Variants in CEP63 observed in about 807,000 individuals in gnomAD.
The protein encoded by CEP63 is centrosomal protein of 63 kDa.
CEP63 carries 84 observed loss-of-function variants against 89.1 expected under a neutral mutation model. The ratio of observed to expected loss-of-function variants is 0.94; its 90% CI spans 0.79 to 1.13. CEP63 has a LOEUF of 1.13. Among genes scored for constraint, CEP63 ranks in the 50% most tolerant of loss-of-function variants. CEP63 has a pLI of 0.00. For synonymous variants in CEP63, 267 were observed against 272.5 expected (o/e 0.98, Z 0.20); for missense variants, 838 against 813.3 (o/e 1.03, Z -0.37).
the CEP63 span, among the ~76,000 whole-genome samples, chr3:134,644,651 G>A: frequency 2.6e-5 from 4 of 152,310 alleles, no homozygotes; most frequent in South Asian, 4.1e-4. Context: ...TATGCCTCTG[G>A]GGCATTGGCC....
At chr3:134,601,452 G>A in the CEP63 span, among the ~76,000 whole-genome samples, 2 of 152,238 alleles carry the variant, frequency 1.3e-5, no homozygotes, top group East Asian at 3.8e-4. Flanking sequence ...GGGGTCCAGT[G>A]AGTGACATGC....
At chr3:134,699,276 C>T in the CEP63 span, among the ~76,000 whole-genome samples, 2 of 152,126 alleles carry the variant, frequency 1.3e-5, no homozygotes, top group South Asian at 4.1e-4. Context: ...GGGTCAAACC[C>T]GGAGTCACCA....
the CEP63 span, among the ~76,000 whole-genome samples, chr3:134,750,027 A>T: frequency 6.6e-6 from 1 of 152,204 alleles, no homozygotes; most frequent in African/African-American, 2.4e-5. Flanking sequence ...GGGCGCTAGT[A>T]AGCAAAGGCT....
At chr3:134,764,468 C>T in the CEP63 span, among the ~76,000 whole-genome samples, 1 of 152,128 alleles carries the variant, frequency 6.6e-6, no homozygotes, top group Non-Finnish European at 1.5e-5. Flanking sequence ...TAGCCCCTCC[C>T]CTGAAGACCT....
intron 3 of CEP63, among the ~76,000 whole-genome samples, chr3:134,514,628 CAAT>C (rs1219681951): frequency 6.6e-6 from 1 of 152,052 alleles, no homozygotes; most frequent in African/African-American, 2.4e-5. Flanking sequence ...AGCCAGAAAA[CAAT>C]AAAATGTCTA....
At chr3:134,486,523 C>A in intron 1 of CEP63, 1 of 985,820 alleles carries the variant, frequency 1.0e-6, no homozygotes, top group Non-Finnish European at 1.2e-6. Context: ...TCCTCGGAGT[C>A]CAGGTGGCTG....
intron 11 of CEP63, among the ~76,000 whole-genome samples, chr3:134,573,571 C>T (rs1958103302): frequency 6.6e-6 from 1 of 152,102 alleles, no homozygotes; most frequent in Non-Finnish European, 1.5e-5. Context: ...AGGCATGTGG[C>T]TTTATTTCTG....
At chr3:134,674,417 C>G in the CEP63 span, among the ~76,000 whole-genome samples, 1 of 152,122 alleles carries the variant, frequency 6.6e-6, no homozygotes, top group South Asian at 2.1e-4. Context: ...ACTCGACAAA[C>G]TAGGAATATA....
chr3:134,768,146 T>C, the CEP63 span, among the ~76,000 whole-genome samples: 1 of 151,938 alleles, frequency 6.6e-6, no homozygotes, highest in East Asian at 1.9e-4. Context: ...TCAAGGAAAG[T>C]GGAATCGGAA....
At chr3:134,691,630 T>C in the CEP63 span, among the ~76,000 whole-genome samples, 2 of 152,110 alleles carry the variant, frequency 1.3e-5, no homozygotes, top group African/African-American at 4.8e-5. Flanking sequence ...AAAAAAAATA[T>C]TTCTCAGTTC....
chr3:134,587,124 C>T (rs570032973), intron 10 of CEP63, among the ~76,000 whole-genome samples: 5 of 152,254 alleles, frequency 3.3e-5, no homozygotes, highest in South Asian at 4.2e-4. Context: ...AGCTTCCTTG[C>T]GATGGGTTAG....
chr3:134,705,702 G>A, the CEP63 span, among the ~76,000 whole-genome samples: 1 of 152,202 alleles, frequency 6.6e-6, no homozygotes, highest in East Asian at 1.9e-4. Context: ...CCTCAGAGCT[G>A]TTGGTGGCTG....
chr3:134,514,721 A>G (rs1945825809), intron 3 of CEP63, among the ~76,000 whole-genome samples: 1 of 152,230 alleles, frequency 6.6e-6, no homozygotes, highest in African/African-American at 2.4e-5. Context: ...ACATTTTCAG[A>G]TGAACAAAAA....
chr3:134,517,531 G>A (rs1946515656), intron 3 of CEP63, among the ~76,000 whole-genome samples: 1 of 152,030 alleles, frequency 6.6e-6, no homozygotes, highest in Admixed American at 6.5e-5. Flanking sequence ...ATTCTTATTA[G>A]CACAAAAAAT....
chr3:134,517,128 G>C (rs11919350), intron 3 of CEP63, among the ~76,000 whole-genome samples: 48,362 of 151,974 alleles, frequency 0.32, 7,979 homozygotes, highest in African/African-American at 0.36. Flanking sequence ...ATGCTCAATA[G>C]CACGTCCTTT....
chr3:134,489,045 C>T (rs1210633877), intron 1 of CEP63, among the ~76,000 whole-genome samples: 1 of 150,878 alleles, frequency 6.6e-6, no homozygotes, highest in African/African-American at 2.4e-5. Flanking sequence ...ATCTCAGCTA[C>T]TAAGGAAGCT....
chr3:134,532,798 C>G lies in CEP63; in HGVS notation c.339C>G (p.Ser113Arg). The change falls in exon 5 of 15, where the codon AGC becomes AGG. Residue 113 changes from serine (S) to arginine (R), a missense_variant. Transcript: ENST00000675561. ...TACAGTTATGCATACTGAAGAGAAG[C>G]TATGAAAAGCTTCAGAAAAAGCAAA... ...LHEELCILKR[S>R]YEKLQKKQMR... The G allele has an allele frequency of 6.2e-7, 1 of 1,604,470 alleles. No individual in the cohort carries two copies. The highest frequency in any genetic ancestry group is 1.7e-5 in the Admixed American group (1 of 59,962).
intron 14 of CEP63, among the ~76,000 whole-genome samples, chr3:134,560,400 C>A (rs771110881): frequency 2.0e-5 from 3 of 152,210 alleles, no homozygotes; most frequent in African/African-American, 7.2e-5. Context: ...CACAGTAATT[C>A]GTGGACATAT....
At chr3:134,686,217 C>A in the CEP63 span, among the ~76,000 whole-genome samples, 4 of 152,190 alleles carry the variant, frequency 2.6e-5, no homozygotes, top group Non-Finnish European at 5.9e-5. Flanking sequence ...TAGATAATCC[C>A]CCAAACTGAC....
Sources: allele counts gnomAD v4.1 joint callset (sites outside exome capture counted in the v4.1 genomes callset), GRCh38; gene constraint gnomAD v4.1.1; transcripts MANE v1.5; gene names NCBI Gene and HGNC (gene_info 2026-07-23, HGNC 2026-07-21).